HPSE: variants seen among roughly 807,000 people sequenced by gnomAD.
HPSE encodes the protein endo-glucoronidase.
In HPSE, 48 loss-of-function variants were observed where a neutral mutation model predicts 65.1. That is an observed-to-expected ratio of 0.74 (90% confidence interval 0.58 to 0.94). The LOEUF (loss-of-function observed/expected upper bound fraction) is 0.94, where lower values mean the gene tolerates loss of function less well. Among genes scored for constraint, HPSE ranks in the 40% least tolerant of loss-of-function variants. The pLI is 0.00. For missense variants in HPSE, 644 were observed against 637.5 expected, an observed-to-expected ratio of 1.01 and a Z score of -0.11; for synonymous variants, 243 against 260.0, an observed-to-expected ratio of 0.93 and a Z score of 0.63.
chr4:83,296,806 A>G (rs1472388369), intron 11 of HPSE, among the ~76,000 whole-genome samples: 1 of 152,206 alleles, frequency 6.6e-6, no homozygotes, highest in Non-Finnish European at 1.5e-5. Context: ...TAAACACTAT[A>G]AAAGTATTAT....
intron 11 of HPSE, among the ~76,000 whole-genome samples, chr4:83,298,291 T>G (rs993775241): frequency 6.6e-6 from 1 of 152,190 alleles, no homozygotes; most frequent in Non-Finnish European, 1.5e-5. Context: ...GAAATGGGGA[T>G]GCTGGGCAAA....
intron 9 of HPSE, among the ~76,000 whole-genome samples, chr4:83,305,373 A>G (rs4532228): frequency 0.18 from 27,512 of 152,130 alleles, 3,335 homozygotes; most frequent in African/African-American, 0.34. Context: ...AAGATGACTA[A>G]TATGTTCCAC....
intron 1 of HPSE, among the ~76,000 whole-genome samples, chr4:83,324,999 C>T (rs1009183592): frequency 6.6e-6 from 1 of 152,082 alleles, no homozygotes; most frequent in Non-Finnish European, 1.5e-5. Flanking sequence ...TATTTATATA[C>T]AGGAGAGAAT....
chr4:83,314,318 G>GA (rs1311473329), intron 3 of HPSE, among the ~76,000 whole-genome samples: 2 of 150,792 alleles, frequency 1.3e-5, no homozygotes, highest in Non-Finnish European at 3.0e-5. Flanking sequence ...TAATTAACAT[G>GA]AAAAAAATTA....
rs143346223 is a variant in HPSE, at chr4:83,306,073, C to T, written c.1206+130G>A. On this transcript the variant is annotated intron_variant, in intron 9 of 11. Coordinates refer to ENST00000311412, the MANE Select transcript of HPSE (RefSeq NM_001098540.3). ...GTTAGATTGGATGCTATCTAAGGCTCCTTCTAATTCATCATCTCATGATTT... is the reference window on the plus strand; with the variant it reads ...GTTAGATTGGATGCTATCTAAGGCTTCTTCTAATTCATCATCTCATGATTT... 2.8e-4 allele frequency: 164 copies of T among 582,168 alleles called. 1 individual carries two copies. In the East Asian group the frequency reaches 3.9e-3, roughly 14 times the overall value. 36.1% of individuals were successfully genotyped at this position (582,168 alleles called of 1,614,324 possible).
intron 9 of HPSE, among the ~76,000 whole-genome samples, chr4:83,302,837 T>C (rs1357836023): frequency 6.6e-6 from 1 of 151,978 alleles, no homozygotes; most frequent in East Asian, 1.9e-4. Context: ...TAGCCAGGTG[T>C]GGTGGTGTGC....
In HPSE at chr4:83,319,362, T is replaced by G. The variant is rs75865093; in HGVS notation, c.481A>C (p.Lys161Gln). The change falls in exon 3 of 12, where the codon AAG (lysine) becomes CAG (glutamine). Residue 161 changes from lysine to glutamine, a missense_variant. Transcript: ENST00000311412. The part of the protein sequence containing the change: ...LLREHYQKKF[K>Q]NSTYSRSSVD... ...TTCTTACTTGAGTAGGTGCTGTTCT[T>G]GAACTTTTTCTGGTAGTGTTCTCGG... The G allele has an allele frequency of 5.4e-4, 879 of 1,613,980 alleles. 10 individuals carry two copies. In the East Asian group the frequency reaches 0.019, roughly 34 times the overall value.
rs1211504946 is a variant in HPSE at position 83,295,121 on chromosome 4, G to C, written c.*223C>G. ...TAGATAAAAGTAAAACATGCAAAATGCTAAGCAGTATTTGGAACAAGGTAT... is the reference window on the plus strand; with the variant it reads ...TAGATAAAAGTAAAACATGCAAAATCCTAAGCAGTATTTGGAACAAGGTAT... On this transcript the variant is annotated 3_prime_UTR_variant, in exon 12 of 12. Transcript: ENST00000311412. 1 of 293,722 alleles carries C rather than the reference G, an allele frequency of 3.4e-6. No individual in the cohort carries two copies. The highest frequency in any genetic ancestry group is 6.2e-6 in the Non-Finnish European group (1 of 160,702). The allele number at this position is 293,722 out of a possible 1,614,324, so 18.2% of individuals were successfully genotyped here.
At position 83,308,966 on chromosome 4, in the gene HPSE, AGTATCCATG is replaced by A. The variant is rs1232203654; in HGVS notation, c.985-24_985-16del. ...CTCTCAACCACCTATAGAACAGAAA[AGTATCCATG>A]GTAATTGCAAAAAAGCTGACCTGTG... On this transcript the variant is annotated splice_polypyrimidine_tract_variant and intron_variant, in intron 7 of 11. Coordinates refer to ENST00000311412, the MANE Select transcript of HPSE (RefSeq NM_001098540.3). 1.2e-6 allele frequency: 2 copies of A among 1,607,724 alleles called. No homozygotes were observed. The highest frequency in any genetic ancestry group is 3.3e-5 in the Admixed American group (2 of 59,788).
chr4:83,297,214 T>G (rs533671858), intron 11 of HPSE, among the ~76,000 whole-genome samples: 12 of 152,164 alleles, frequency 7.9e-5, no homozygotes, highest in Non-Finnish European at 1.6e-4. Flanking sequence ...CCTAGATACA[T>G]AGTAGGCTAG....
At chr4:83,334,911 C>T (rs972728273), upstream of HPSE, 20 of 1,384,318 alleles carry the variant, frequency 1.4e-5, no homozygotes, top group African/African-American at 2.7e-4. Context: ...CTCCTCACCC[C>T]TCCCACTGCG....
rs200516554 is a variant in HPSE, at chr4:83,308,630, ACAAT to A, written c.1091+211_1091+214del. Among the ~76,000 whole-genome samples, 1,083 of 152,334 alleles carry A rather than the reference ACAAT, an allele frequency of 7.1e-3. 14 individuals carry two copies. The highest frequency in any genetic ancestry group is 0.025 in the African/African-American group (1,037 of 41,560). On this transcript the variant is annotated intron_variant, in intron 8 of 11. Transcript: ENST00000311412. ...ATAATTAAAGGCCAAAATTTCTGAA[ACAAT>A]TCATCCTTATAGTGATTAATTTGGA...
intron 8 of HPSE, among the ~76,000 whole-genome samples, chr4:83,308,027 T>C (rs1340858995): frequency 9.9e-5 from 15 of 152,090 alleles, no homozygotes; most frequent in Admixed American, 5.2e-4. Context: ...TTCTTGGGAA[T>C]CTATGAATTA....
At chr4:83,313,309 T>G (rs1736495074) in intron 3 of HPSE, 22 bp from the exon 4 acceptor site, 1 of 1,582,030 alleles carries the variant, frequency 6.3e-7, no homozygotes, top group Non-Finnish European at 8.6e-7. Context: ...ACGTCACAAT[T>G]TAATGGTTAG....
intron 1 of HPSE, among the ~76,000 whole-genome samples, chr4:83,323,201 G>C (rs1424653470): frequency 6.6e-6 from 1 of 152,016 alleles, no homozygotes; most frequent in East Asian, 1.9e-4. Flanking sequence ...TGGAGAACAG[G>C]GGATTTGCAG....
At chr4:83,315,030 C>T (rs1335327952) in intron 3 of HPSE, among the ~76,000 whole-genome samples, 5 of 151,970 alleles carry the variant, frequency 3.3e-5, no homozygotes, top group Admixed American at 6.6e-5. Context: ...GTGGCATGCA[C>T]CTGTAGTCCC....
chr4:83,311,408 A>G (rs1273819404), intron 4 of HPSE, among the ~76,000 whole-genome samples: 1 of 152,228 alleles, frequency 6.6e-6, no homozygotes, highest in African/African-American at 2.4e-5. Context: ...ATGAGGGTCT[A>G]TTAAACAATT....
intron 9 of HPSE, 72 bp from the exon 10 acceptor site, chr4:83,302,340 G>A (rs1735983965): frequency 6.6e-6 from 6 of 904,712 alleles, no homozygotes; most frequent in Non-Finnish European, 1.1e-5. Context: ...TGAAACCAGT[G>A]GCAAGCAAAT....
At chr4:83,307,212 C>T (rs1736174802) in intron 8 of HPSE, among the ~76,000 whole-genome samples, 1 of 152,342 alleles carries the variant, frequency 6.6e-6, no homozygotes, top group Non-Finnish European at 1.5e-5. Context: ...ACTCTTTCTC[C>T]TTTGCAATTC....
Sources: gnomAD v4.1 joint callset for allele counts (sites outside exome capture counted in the v4.1 genomes callset) on GRCh38, gnomAD v4.1.1 for gene constraint, MANE v1.5 for transcripts, NCBI Gene and HGNC (gene_info 2026-07-23, HGNC 2026-07-21) for gene names.